Variants in ZNF385D observed in about 807,000 individuals in gnomAD.
ZNF385D encodes zinc finger protein 659.
A neutral mutation model predicts 35.8 loss-of-function variants in ZNF385D; 15 were observed. The observed-to-expected ratio is 0.42, with a 90% CI of 0.28 to 0.64. ZNF385D has a LOEUF of 0.64. Among genes scored for constraint, ZNF385D ranks in the 30% least tolerant of loss-of-function variants. The pLI is 0.23. For missense variants in ZNF385D, 474 were observed against 494.6 expected (o/e 0.96, Z 0.39); for synonymous variants, 212 against 186.8 (o/e 1.13, Z -1.10).
At chr3:21,732,917 G>A (rs533774218) in intron 1 of ZNF385D, among the ~76,000 whole-genome samples, 4 of 152,186 alleles carry the variant, frequency 2.6e-5, no homozygotes, top group East Asian at 1.9e-4. Context: ...TATCAATTCC[G>A]TCTTTCGTGG....
At chr3:21,860,143 T>G (rs930715279) in intron 3 of ZNF385D, among the ~76,000 whole-genome samples, 1 of 152,066 alleles carries the variant, frequency 6.6e-6, no homozygotes, top group Non-Finnish European at 1.5e-5. Flanking sequence ...GTATATTCTT[T>G]TATGCAAAAA....
intron 3 of ZNF385D, among the ~76,000 whole-genome samples, chr3:21,834,199 CCTT>C (rs747452811): frequency 1.3e-5 from 2 of 152,124 alleles, no homozygotes; most frequent in Non-Finnish European, 2.9e-5. Context: ...ATTCCCTTCT[CCTT>C]CTTTTCTGAA....
intron 3 of ZNF385D, among the ~76,000 whole-genome samples, chr3:21,527,522 G>C (rs1708297168): frequency 1.3e-5 from 2 of 152,126 alleles, no homozygotes; most frequent in Admixed American, 6.6e-5. Context: ...TGAATAGAAT[G>C]ATTTATTGGT....
chr3:22,276,584 A>C (rs1701440900), intron 2 of ZNF385D, among the ~76,000 whole-genome samples: 2 of 152,140 alleles, frequency 1.3e-5, no homozygotes, highest in Non-Finnish European at 2.9e-5. Context: ...TCACAGTTAT[A>C]CTTTGTGGAT....
chr3:22,131,838 C>G (rs924599375), intron 3 of ZNF385D, among the ~76,000 whole-genome samples: 9 of 152,060 alleles, frequency 5.9e-5, no homozygotes, highest in African/African-American at 2.2e-4. Context: ...AAAGAATCAT[C>G]CAGTGGGTTG....
intron 3 of ZNF385D, among the ~76,000 whole-genome samples, chr3:22,073,500 A>T (rs951067132): frequency 2.6e-5 from 4 of 151,992 alleles, no homozygotes; most frequent in Non-Finnish European, 5.9e-5. Flanking sequence ...CTTTATTTTT[A>T]AAAAGTGTAA....
intron 3 of ZNF385D, among the ~76,000 whole-genome samples, chr3:21,848,090 TG>T (rs965611776): frequency 5.3e-5 from 8 of 152,026 alleles, no homozygotes; most frequent in African/African-American, 1.9e-4. Context: ...CCACTGTGAC[TG>T]ACTTATTTCA....
intron 3 of ZNF385D, among the ~76,000 whole-genome samples, chr3:22,030,451 G>A (rs1697925709): frequency 6.6e-6 from 1 of 150,436 alleles, no homozygotes; most frequent in Admixed American, 6.6e-5. Flanking sequence ...TGGCAGGAGG[G>A]AGAGAGAGAG....
At chr3:21,753,789 TTG>T (rs145331908), upstream of ZNF385D, among the ~76,000 whole-genome samples, 7 of 124,728 alleles carry the variant, frequency 5.6e-5, no homozygotes, top group South Asian at 2.4e-4. Context: ...GTTGTTGTTG[TTG>T]TGTGTGTGTG....
chr3:22,049,273 G>A (rs1327734424), intron 3 of ZNF385D, among the ~76,000 whole-genome samples: 1 of 100,964 alleles, frequency 9.9e-6, no homozygotes, highest in South Asian at 3.0e-4. Flanking sequence ...TCCAGCCTGG[G>A]AAACAAGAGC....
chr3:21,649,766 T>C (rs1396865158), intron 2 of ZNF385D, among the ~76,000 whole-genome samples: 1 of 152,184 alleles, frequency 6.6e-6, no homozygotes, highest in East Asian at 1.9e-4. Flanking sequence ...TTTGACTTTG[T>C]CCAAATAAGA....
In ZNF385D at chr3:22,107,044, G is replaced by A. The variant is rs1233667980; in HGVS notation, c.325+61773C>T. Among the ~76,000 whole-genome samples the A allele has an allele frequency of 1.1e-3, 35 of 32,098 alleles. 1 individual carries two copies. The highest frequency in any genetic ancestry group is 3.6e-3 in the African/African-American group (29 of 8,116). 21.1% of individuals were successfully genotyped at this position (32,098 alleles called of 152,430 possible). A position where few individuals can be genotyped will look rare whatever the true frequency, so the allele number is the denominator to read the frequency against. On this transcript the variant is annotated intron_variant, in intron 3 of 5. Transcript: ENST00000494108. The stretch of plus-strand genomic sequence containing the variant: ...AATGAGAGTTTTTTTTTTTTTTTTA[G>A]ACAGAGTTTTGCTCTTGTTGCCCAG...
chr3:21,963,026 T>C (rs1222639715), intron 3 of ZNF385D, among the ~76,000 whole-genome samples: 5 of 152,224 alleles, frequency 3.3e-5, no homozygotes, highest in Non-Finnish European at 5.9e-5. Context: ...TGTTAAACAG[T>C]AGCCTTGCTT....
intron 3 of ZNF385D, among the ~76,000 whole-genome samples, chr3:21,767,560 C>T (rs144374690): frequency 4.7e-4 from 72 of 152,106 alleles, no homozygotes; most frequent in African/African-American, 1.6e-3. Context: ...GTCACCACTA[C>T]ATCTCCAGGA....
chr3:22,229,397 G>A (rs1417889149), intron 2 of ZNF385D, among the ~76,000 whole-genome samples: 2 of 152,146 alleles, frequency 1.3e-5, no homozygotes, highest in African/African-American at 4.8e-5. Context: ...AGGTGCCACA[G>A]GGTTTTCAGC....
intron 2 of ZNF385D, among the ~76,000 whole-genome samples, chr3:21,590,300 T>C (rs1418435056): frequency 6.6e-6 from 1 of 152,206 alleles, no homozygotes; most frequent in East Asian, 1.9e-4. Context: ...CTTTTTTTAT[T>C]GTGATTACTT....
At chr3:21,737,221 T>C (rs982577952) in intron 1 of ZNF385D, among the ~76,000 whole-genome samples, 2 of 152,228 alleles carry the variant, frequency 1.3e-5, no homozygotes, top group African/African-American at 4.8e-5. Context: ...ACAGCAATCC[T>C]ACTTCTATAG....
intron 3 of ZNF385D, among the ~76,000 whole-genome samples, chr3:21,883,821 C>T (rs1333087678): frequency 2.0e-5 from 3 of 152,028 alleles, no homozygotes; most frequent in African/African-American, 7.2e-5. Flanking sequence ...CATGGAAGTT[C>T]TTTCAGCAGC....
chr3:21,809,690 A>C (rs2072822674), intron 3 of ZNF385D, among the ~76,000 whole-genome samples: 1 of 149,548 alleles, frequency 6.7e-6, no homozygotes, highest in African/African-American at 2.5e-5. Context: ...ATATATACCT[A>C]TATACATATA....
Sources: allele counts gnomAD v4.1 joint callset (sites outside exome capture counted in the v4.1 genomes callset), GRCh38; gene constraint gnomAD v4.1.1; transcripts MANE v1.5; gene names NCBI Gene and HGNC (gene_info 2026-07-23, HGNC 2026-07-21).